The following TMED3 variants were observed in gnomAD, a reference collection of about 807,000 sequenced individuals.
The protein encoded by TMED3 is transmembrane emp24 domain-containing protein 3.
A neutral mutation model predicts 15.0 loss-of-function variants in TMED3; 9 were observed. That is an observed-to-expected ratio of 0.60 (90% confidence interval 0.36 to 1.04). The LOEUF (loss-of-function observed/expected upper bound fraction) is 1.04. Ranked by LOEUF, TMED3 falls within the 50% of genes least tolerant of loss-of-function variation. TMED3 has a pLI of 0.01. For missense variants in TMED3, 267 were observed against 278.9 expected (o/e 0.96, Z 0.30); for synonymous variants, 117 against 121.4 (o/e 0.96, Z 0.24).
chr15:79,314,224 T>C (rs2058730959), intron 2 of TMED3, among the ~76,000 whole-genome samples: 1 of 152,196 alleles, frequency 6.6e-6, no homozygotes, highest in Non-Finnish European at 1.5e-5. Context: ...TGCAGTACTT[T>C]CCTCTGACAT....
At position 79,344,736 on chromosome 15, in the gene TMED3, A is replaced by G. The variant is rs190015996; in HGVS notation, c.417+30731A>G. ...GAGGGCCAGCAAGAAGAGAACTGGT[A>G]ACTGAACTTTGGATCTGGCAAGGTC... On this transcript the variant is annotated intron_variant, in intron 2 of 2. Transcript: ENST00000424155. Among the ~76,000 whole-genome samples the G allele has an allele frequency of 1.8e-3, 275 of 152,302 alleles. 4 individuals are homozygous for G. Among genetic ancestry groups the G allele is most frequent in the African/African-American group, 6.4e-3 (266 of 41,572 alleles).
intron 2 of TMED3, chr15:79,382,868 G>A: frequency 1.8e-6 from 2 of 1,097,654 alleles, no homozygotes; most frequent in East Asian, 2.6e-5. Context: ...TATCTTTCAT[G>A]GGTATCTCAT....
chr15:79,329,344 A>G (rs1469605718), intron 2 of TMED3, among the ~76,000 whole-genome samples: 1 of 152,204 alleles, frequency 6.6e-6, no homozygotes, highest in African/African-American at 2.4e-5. Context: ...TACCAGAATC[A>G]CTGGAACATG....
chr15:79,367,213 CAG>C (rs917450747), intron 2 of TMED3, among the ~76,000 whole-genome samples: 4 of 152,154 alleles, frequency 2.6e-5, no homozygotes, highest in African/African-American at 4.8e-5. Context: ...AGAACTAAAA[CAG>C]AGTTGGTCAG....
At chr15:79,397,738 T>C (rs752418712) in intron 2 of TMED3, among the ~76,000 whole-genome samples, 1 of 152,230 alleles carries the variant, frequency 6.6e-6, no homozygotes, top group Non-Finnish European at 1.5e-5. Flanking sequence ...TTTGCCTGTA[T>C]TTGAATAAGA....
intron 2 of TMED3, among the ~76,000 whole-genome samples, chr15:79,399,502 A>T (rs1439144777): frequency 1.3e-5 from 2 of 152,132 alleles, no homozygotes; most frequent in Non-Finnish European, 2.9e-5. Context: ...GAGAATTGGG[A>T]GTTTTGGGTC....
At chr15:79,352,929 A>T (rs1457882676) in intron 2 of TMED3, among the ~76,000 whole-genome samples, 1 of 100,844 alleles carries the variant, frequency 9.9e-6, no homozygotes, top group Non-Finnish European at 1.9e-5. Context: ...AAATATATAT[A>T]ATATATATAC....
intron 2 of TMED3, among the ~76,000 whole-genome samples, chr15:79,344,816 C>T (rs1284276510): frequency 1.3e-5 from 2 of 152,154 alleles, no homozygotes; most frequent in Non-Finnish European, 2.9e-5. Flanking sequence ...GAGGCAAAGA[C>T]TTCACTGTAG....
Position 79,322,580 on chromosome 15 carries a change from T to TG in TMED3, c.*369dup. On this transcript the variant is annotated 3_prime_UTR_variant, in exon 3 of 3. Transcript: ENST00000299705. ...GGCCCTGCCTCTGTTTCATGATGCA[T>TG]GGGTCATTTGTCTTGGGTGTCCTAT... The TG allele has an allele frequency of 9.5e-7, 1 of 1,051,446 alleles. No individual in the cohort carries two copies. The highest frequency in any genetic ancestry group is 1.1e-6 in the Non-Finnish European group (1 of 873,124). The allele number at this position is 1,051,446 out of a possible 1,614,324, so 65.1% of individuals were successfully genotyped here.
intron 2 of TMED3, among the ~76,000 whole-genome samples, chr15:79,379,139 G>T (rs958522501): frequency 2.0e-5 from 3 of 152,098 alleles, no homozygotes; most frequent in African/African-American, 7.2e-5. Flanking sequence ...TTATACTGTT[G>T]CCCCTTTACT....
chr15:79,334,094 A>T (rs922368030), intron 2 of TMED3, among the ~76,000 whole-genome samples: 1 of 152,192 alleles, frequency 6.6e-6, no homozygotes, highest in Non-Finnish European at 1.5e-5. Context: ...ACTGTTCTAA[A>T]CTAATTATCT....
intron 2 of TMED3, chr15:79,411,329 G>A (rs1893975910): frequency 1.2e-5 from 8 of 683,484 alleles, no homozygotes; most frequent in South Asian, 1.1e-4. Context: ...GCAAATGGAG[G>A]GCTTTATCCT....
chr15:79,411,449 T>A (rs1323607206), exon 3 of TMED3: 2 of 702,576 alleles, frequency 2.8e-6, no homozygotes, highest in South Asian at 3.0e-5. Context: ...GTCGACTATA[T>A]GCAGCCAGGC....
chr15:79,359,255 C>A (rs573324596), intron 2 of TMED3, among the ~76,000 whole-genome samples: 2 of 116,372 alleles, frequency 1.7e-5, no homozygotes, highest in Admixed American at 1.0e-4. Flanking sequence ...TTTTTTGAGA[C>A]GGAGTCTTGC....
At chr15:79,314,689 A>C in intron 2 of TMED3, 1 of 382,050 alleles carries the variant, frequency 2.6e-6, no homozygotes, top group Non-Finnish European at 5.5e-6. Context: ...AGCTGGATGA[A>C]AGGAAGGCTG....
intron 2 of TMED3, among the ~76,000 whole-genome samples, chr15:79,384,924 G>C (rs1047118240): frequency 2.0e-5 from 3 of 152,166 alleles, no homozygotes; most frequent in African/African-American, 7.2e-5. Flanking sequence ...GGCATTCACG[G>C]AGAGGAATGA....
chr15:79,341,201 A>AAC (rs2058850230), intron 2 of TMED3, among the ~76,000 whole-genome samples: 2 of 108,384 alleles, frequency 1.8e-5, no homozygotes, highest in Non-Finnish European at 3.6e-5. Flanking sequence ...GTCTCAAAAA[A>AAC]AAAAAAAAAA....
chr15:79,325,276 T>C (rs1005007775), downstream of TMED3, among the ~76,000 whole-genome samples: 3 of 152,222 alleles, frequency 2.0e-5, no homozygotes, highest in Non-Finnish European at 2.9e-5. Context: ...ACTGGCAAGC[T>C]GGTCTTGGCT....
chr15:79,341,799 C>T (rs2058852720), intron 2 of TMED3, among the ~76,000 whole-genome samples: 1 of 152,132 alleles, frequency 6.6e-6, no homozygotes, highest in Admixed American at 6.5e-5. Flanking sequence ...GTGATTTTGC[C>T]CCTGAGGAGA....
Sources: gnomAD v4.1 joint callset for allele counts (sites outside exome capture counted in the v4.1 genomes callset) on GRCh38, gnomAD v4.1.1 for gene constraint, MANE v1.5 for transcripts, NCBI Gene and HGNC (gene_info 2026-07-23, HGNC 2026-07-21) for gene names.